Variants in CYP2J2 observed in about 807,000 individuals in gnomAD.
The protein encoded by CYP2J2 is cytochrome P450 2J2.
In CYP2J2, 41 loss-of-function variants were observed where a neutral mutation model predicts 48.8. The ratio of observed to expected loss-of-function variants is 0.84; its 90% CI spans 0.66 to 1.09. The LOEUF is 1.09. Ranked by LOEUF, CYP2J2 falls within the 50% of genes least tolerant of loss-of-function variation. CYP2J2 has a pLI of 0.00. For synonymous variants in CYP2J2, 221 were observed against 227.1 expected (o/e 0.97, Z 0.24); for missense variants, 644 against 617.3 (o/e 1.04, Z -0.46).
At chr1:59,913,485 A>G (rs528862465) in intron 2 of CYP2J2, among the ~76,000 whole-genome samples, 1 of 152,268 alleles carries the variant, frequency 6.6e-6, no homozygotes, top group South Asian at 2.1e-4. Context: ...TTTTCTCCAT[A>G]TGACTTTTCA....
At chr1:59,908,074 A>C in intron 5 of CYP2J2, 147 bp from the exon 6 acceptor site, 1 of 717,128 alleles carries the variant, frequency 1.4e-6, no homozygotes, top group South Asian at 1.8e-5. Context: ...TTCAGAAGGC[A>C]GACTCTTATT....
Position 59,907,924 on chromosome 1 carries a change from T to C in CYP2J2, c.865A>G (p.Thr289Ala). ...DAYLKEMSKH[T>A]GNPTSSFHEE... ...TGGAAACTTGAAGTAGGATTGCCTG[T>C]GTGCTAGAAAACACAATGTTTGATG... The change falls in exon 6 of 9, where the codon ACA becomes GCA. Residue 289 changes from threonine (T) to alanine (A), a missense_variant. Thr to Ala is a moderately conservative substitution (Grantham distance 58). Coordinates refer to ENST00000371204, the MANE Select transcript of CYP2J2 (RefSeq NM_000775.4). 3 of 1,614,044 alleles carry C rather than the reference T, an allele frequency of 1.9e-6. No homozygotes were observed. Among genetic ancestry groups the C allele is most frequent in the Non-Finnish European group, 2.5e-6 (3 of 1,179,902 alleles).
intron 2 of CYP2J2, among the ~76,000 whole-genome samples, chr1:59,914,711 G>C (rs1221359463): frequency 6.6e-6 from 1 of 152,192 alleles, no homozygotes; most frequent in South Asian, 2.1e-4. Context: ...ATTGTCCAAG[G>C]TTTCTCCCCA....
the CYP2J2 span, among the ~76,000 whole-genome samples, chr1:59,936,424 C>G: frequency 6.6e-6 from 1 of 152,150 alleles, no homozygotes; most frequent in Non-Finnish European, 1.5e-5. Context: ...TCATGCCACA[C>G]TTGCTCTTCC....
chr1:59,952,002 G>A, the CYP2J2 span, among the ~76,000 whole-genome samples: 1 of 152,246 alleles, frequency 6.6e-6, no homozygotes, highest in South Asian at 2.1e-4. Flanking sequence ...GGTCTGTTTT[G>A]TTCATTGTTG....
the CYP2J2 span, among the ~76,000 whole-genome samples, chr1:59,939,228 T>C: frequency 1.3e-5 from 2 of 152,208 alleles, no homozygotes; most frequent in African/African-American, 4.8e-5. Context: ...CCGTTCTTCC[T>C]GGGAAGAATT....
chr1:59,898,798 C>T (rs1644291981), intron 8 of CYP2J2, among the ~76,000 whole-genome samples: 1 of 152,076 alleles, frequency 6.6e-6, no homozygotes, highest in African/African-American at 2.4e-5. Flanking sequence ...CATTTCCTGC[C>T]TAACTATTAA....
the CYP2J2 span, among the ~76,000 whole-genome samples, chr1:59,948,073 A>G: frequency 6.6e-6 from 1 of 152,268 alleles, no homozygotes; most frequent in Admixed American, 6.5e-5. Context: ...ATGAAAATGG[A>G]GAATCTTCAT....
chr1:59,915,358 C>G (rs965404747), intron 2 of CYP2J2, among the ~76,000 whole-genome samples: 1 of 152,110 alleles, frequency 6.6e-6, no homozygotes, highest in Non-Finnish European at 1.5e-5. Flanking sequence ...GAAGGGCTGG[C>G]CCCCTTCATA....
At chr1:59,966,728 C>T in the CYP2J2 span, among the ~76,000 whole-genome samples, 5 of 152,088 alleles carry the variant, frequency 3.3e-5, no homozygotes, top group East Asian at 5.8e-4. Context: ...AAAAGGTAGG[C>T]GTCAGCAGAG....
the CYP2J2 span, among the ~76,000 whole-genome samples, chr1:59,964,097 T>C: frequency 6.6e-6 from 1 of 152,336 alleles, no homozygotes; most frequent in African/African-American, 2.4e-5. Context: ...TTAATTTTTT[T>C]GACTTACTGA....
chr1:59,966,664 G>A, the CYP2J2 span, among the ~76,000 whole-genome samples: 3 of 152,132 alleles, frequency 2.0e-5, no homozygotes, highest in Non-Finnish European at 4.4e-5. Flanking sequence ...TGCAGGTGGG[G>A]CCAATTAAGA....
the CYP2J2 span, among the ~76,000 whole-genome samples, chr1:59,936,401 C>G: frequency 1.3e-4 from 20 of 152,198 alleles, no homozygotes; most frequent in Non-Finnish European, 2.4e-4. Context: ...CTTAGTCTCC[C>G]AAAACTCCAT....
intron 5 of CYP2J2, among the ~76,000 whole-genome samples, chr1:59,908,523 G>T (rs1574251975): frequency 6.6e-6 from 1 of 152,078 alleles, no homozygotes; most frequent in East Asian, 1.9e-4. Context: ...CATTCCTCAT[G>T]ATACTCTGTC....
At chr1:59,968,258 G>A in the CYP2J2 span, among the ~76,000 whole-genome samples, 1 of 152,128 alleles carries the variant, frequency 6.6e-6, no homozygotes, top group East Asian at 1.9e-4. Flanking sequence ...TTTGATTGGA[G>A]TCAGATGAAA....
At chr1:59,957,367 T>G in the CYP2J2 span, among the ~76,000 whole-genome samples, 3 of 152,068 alleles carry the variant, frequency 2.0e-5, no homozygotes, top group Non-Finnish European at 2.9e-5. Flanking sequence ...TGAGGCTATT[T>G]CTATATTGTA....
chr1:59,961,939 T>G, the CYP2J2 span, among the ~76,000 whole-genome samples: 2 of 151,650 alleles, frequency 1.3e-5, no homozygotes, highest in Non-Finnish European at 2.9e-5. Context: ...ACTTCCAGAA[T>G]AGGGAAATCT....
At chr1:59,929,310 A>G (rs765658082), upstream of CYP2J2, among the ~76,000 whole-genome samples, 102 of 152,364 alleles carry the variant, frequency 6.7e-4, no homozygotes, top group Non-Finnish European at 1.0e-3. Context: ...CATTAGCCAT[A>G]ATTGCCATAA....
intron 6 of CYP2J2, among the ~76,000 whole-genome samples, chr1:59,905,734 ACATT>A (rs1363156491): frequency 1.3e-5 from 2 of 152,222 alleles, no homozygotes; most frequent in Non-Finnish European, 2.9e-5. Flanking sequence ...GGATGTTTTG[ACATT>A]CACATGAACT....
Sources: allele counts gnomAD v4.1 joint callset (sites outside exome capture counted in the v4.1 genomes callset), GRCh38; gene constraint gnomAD v4.1.1; transcripts MANE v1.5; gene names NCBI Gene and HGNC (gene_info 2026-07-23, HGNC 2026-07-21).